Variants in MTUS1 observed in about 807,000 individuals in gnomAD.
MTUS1 encodes the protein microtubule-associated tumor suppressor 1.
In MTUS1, 109 loss-of-function variants were observed where a neutral mutation model predicts 120.8. The ratio of observed to expected loss-of-function variants is 0.90; its 90% CI spans 0.77 to 1.06. The LOEUF (loss-of-function observed/expected upper bound fraction) is 1.06. MTUS1 is among the 50% of genes least tolerant of loss of function. The pLI, the probability that MTUS1 is intolerant of heterozygous loss-of-function variation, is 0.00. For missense variants in MTUS1, 2,210 were observed against 1,486.3 expected (o/e 1.49, Z -8.01); for synonymous variants, 737 against 550.5 (o/e 1.34, Z -4.74).
At chr8:17,704,503 T>A (rs1357857656) in intron 6 of MTUS1, among the ~76,000 whole-genome samples, 3 of 152,218 alleles carry the variant, frequency 2.0e-5, no homozygotes, top group Admixed American at 2.0e-4. Flanking sequence ...TGTCCAGTTT[T>A]CCCAGTACTA....
rs1805475906 is a variant in MTUS1, at chr8:17,644,801, A to C, written c.*1125T>G. ...TAATATCAAATCCAGGCTTTAGTTT[A>C]TTTGGAAAGTGGTTTCAGCACCTGG... is the stretch of plus-strand genomic sequence containing the variant. On this transcript the variant is annotated 3_prime_UTR_variant, in exon 15 of 15. Transcript: ENST00000693296. 6.6e-6 allele frequency: 1 copy of C among 152,150 alleles called. No individual in the cohort carries two copies. Among genetic ancestry groups the C allele is most frequent in the Non-Finnish European group, 1.5e-5 (1 of 68,018 alleles). The allele number at this position is 152,150 out of a possible 1,614,324, so 9.4% of individuals were successfully genotyped here.
chr8:17,791,908 G>A (rs548049027), intron 1 of MTUS1, among the ~76,000 whole-genome samples: 24 of 152,100 alleles, frequency 1.6e-4, no homozygotes, highest in Non-Finnish European at 2.5e-4. Flanking sequence ...CTATATACCT[G>A]GCACCTGTGT....
At chr8:17,789,471 T>A (rs1379533915) in intron 1 of MTUS1, among the ~76,000 whole-genome samples, 1 of 152,216 alleles carries the variant, frequency 6.6e-6, no homozygotes, top group African/African-American at 2.4e-5. Flanking sequence ...CCCCAAAGTG[T>A]TAAATGACCA....
chr8:17,761,963 C>T (rs1051973708), intron 1 of MTUS1, among the ~76,000 whole-genome samples: 1 of 152,172 alleles, frequency 6.6e-6, no homozygotes, highest in Non-Finnish European at 1.5e-5. Flanking sequence ...AACATCTAAG[C>T]TATCATTTTA....
At chr8:17,719,385 A>G (rs79947894) in intron 4 of MTUS1, among the ~76,000 whole-genome samples, 8,535 of 152,294 alleles carry the variant, frequency 0.056, 315 homozygotes, top group African/African-American at 0.11. Flanking sequence ...TCAAAGTACT[A>G]CTGAAATCTA....
chr8:17,781,031 G>C (rs2050837100), intron 1 of MTUS1: 1 of 152,134 alleles, frequency 6.6e-6, no homozygotes, highest in Non-Finnish European at 1.5e-5. Context: ...AAATCAACAG[G>C]TGTGCAAACA....
At chr8:17,703,128 G>A (rs775330183) in intron 6 of MTUS1, among the ~76,000 whole-genome samples, 4 of 152,144 alleles carry the variant, frequency 2.6e-5, no homozygotes, top group Admixed American at 1.3e-4. Context: ...AACAAGGGAA[G>A]ACAACCATAA....
intron 1 of MTUS1, among the ~76,000 whole-genome samples, chr8:17,763,583 T>A (rs1369399135): frequency 6.6e-6 from 1 of 152,064 alleles, no homozygotes; most frequent in Non-Finnish European, 1.5e-5. Flanking sequence ...GACCTCTTTT[T>A]TTCTCTTGGG....
rs1218236971 is a variant in MTUS1 at position 17,754,431 on chromosome 8, TC to T, written c.1376del (p.Arg459GlnfsTer14). On this transcript the variant is annotated frameshift_variant, in exon 2 of 15. Coordinates refer to ENST00000693296, the MANE Select transcript of MTUS1 (RefSeq NM_001363059.2). LOFTEE classifies it high-confidence loss of function. ...TCGAGTCTGGTATGTTTTTAAGCCC[TC>T]GATTACCCTTCTCCACTTTCTTACA... Reference protein sequence around the residue: ...EKCKKVEKGNRGLKNIPDSKE... With the variant: ...EKCKKVEKGNXGLKNIPDSKE... 6.2e-7 allele frequency: 1 copy of T among 1,614,228 alleles called. No individual in the cohort carries two copies. The highest frequency in any genetic ancestry group is 1.6e-4 in the Middle Eastern group (1 of 6,062).
At position 17,754,903 on chromosome 8, in the gene MTUS1, G is replaced by A. The variant is rs200751032; in HGVS notation, c.905C>T (p.Pro302Leu). Residue 302 changes from proline to leucine, a missense_variant, in exon 2 of 15, where the codon CCC becomes CTC. Pro to Leu is a moderately conservative substitution (Grantham distance 98). Coordinates refer to ENST00000693296, the MANE Select transcript of MTUS1 (RefSeq NM_001363059.2). ...GAACTCTTGTAATGCAGAATCATTG[G>A]GGACTTCCATGCCATCAGAAACTGG... ...LTPVSDGMEV[P>L]NDSALQEFFC... 1.2e-5 allele frequency: 19 copies of A among 1,614,086 alleles called. No homozygotes were observed. The highest frequency in any genetic ancestry group is 9.3e-5 in the African/African-American group (7 of 74,938).
chr8:17,775,793 G>A (rs767088312), intron 1 of MTUS1, among the ~76,000 whole-genome samples: 2 of 152,238 alleles, frequency 1.3e-5, no homozygotes, highest in Non-Finnish European at 2.9e-5. Flanking sequence ...GTCTCCTGGT[G>A]AGGCAGCCTG....
intron 7 of MTUS1, among the ~76,000 whole-genome samples, chr8:17,683,099 C>T (rs1363396865): frequency 6.6e-6 from 1 of 152,048 alleles, no homozygotes; most frequent in African/African-American, 2.4e-5. Context: ...AGTGAAACCC[C>T]GTCTCTACTA....
At chr8:17,774,447 T>C (rs2050256092) in intron 1 of MTUS1, among the ~76,000 whole-genome samples, 1 of 152,240 alleles carries the variant, frequency 6.6e-6, no homozygotes, top group Middle Eastern at 3.4e-3. Context: ...TTCTAAAATG[T>C]GAAGAAAAGG....
At chr8:17,736,147 G>A (rs1230889930) in intron 3 of MTUS1, among the ~76,000 whole-genome samples, 1 of 152,204 alleles carries the variant, frequency 6.6e-6, no homozygotes, top group Non-Finnish European at 1.5e-5. Context: ...GACATATTAA[G>A]CCTACTCATG....
intron 6 of MTUS1, chr8:17,697,130 A>T (rs774708338): frequency 2.6e-6 from 3 of 1,173,958 alleles, no homozygotes; most frequent in Non-Finnish European, 2.3e-6. Flanking sequence ...ATTAAGCCTC[A>T]TCTCTCATTA....
chr8:17,792,676 C>A (rs779280621), intron 1 of MTUS1, among the ~76,000 whole-genome samples: 61 of 152,324 alleles, frequency 4.0e-4, no homozygotes, highest in Admixed American at 9.1e-4. Context: ...CCAGCCTGGC[C>A]AACATGGGGA....
chr8:17,649,780 G>T, intron 13 of MTUS1, 66 bp downstream of exon 13: 1 of 852,078 alleles, frequency 1.2e-6, no homozygotes, highest in Non-Finnish European at 2.0e-6. Flanking sequence ...GTTCTAAAAT[G>T]CAGGGCTCAA....
chr8:17,788,335 A>G (rs1019118256), intron 1 of MTUS1, among the ~76,000 whole-genome samples: 1 of 152,146 alleles, frequency 6.6e-6, no homozygotes, highest in African/African-American at 2.4e-5. Context: ...ATGAATTCTT[A>G]TTGGAATCTA....
chr8:17,738,595 G>A (rs148959636), intron 3 of MTUS1, among the ~76,000 whole-genome samples: 4 of 152,284 alleles, frequency 2.6e-5, no homozygotes, highest in African/African-American at 7.2e-5. Context: ...CGGGGTACAT[G>A]TGCAGGCTGT....
Sources: gnomAD v4.1 joint callset for allele counts (sites outside exome capture counted in the v4.1 genomes callset) on GRCh38, gnomAD v4.1.1 for gene constraint, MANE v1.5 for transcripts, NCBI Gene and HGNC (gene_info 2026-07-23, HGNC 2026-07-21) for gene names.